The following CPQ variants were observed in gnomAD, a reference collection of about 807,000 sequenced individuals.
The protein encoded by CPQ is carboxypeptidase Q, also known as Ser-Met dipeptidase.
CPQ carries 37 observed loss-of-function variants against 45.7 expected under a neutral mutation model. The observed-to-expected ratio is 0.81, with a 90% CI of 0.62 to 1.07. The LOEUF is 1.07. CPQ is among the 50% of genes least tolerant of loss of function. The probability of loss-of-function intolerance (pLI) is 0.00; values close to 1 mark genes in which losing one functional copy is unlikely to be tolerated. For missense variants in CPQ, 537 were observed against 572.9 expected (o/e 0.94, Z 0.64); for synonymous variants, 186 against 205.8 (o/e 0.90, Z 0.82).
chr8:97,030,544 G>C (rs1435708742), intron 6 of CPQ, among the ~76,000 whole-genome samples: 1 of 152,004 alleles, frequency 6.6e-6, no homozygotes, highest in African/African-American at 2.4e-5. Context: ...GGTGATCCTG[G>C]GGATAACATA....
intron 4 of CPQ, among the ~76,000 whole-genome samples, chr8:96,958,292 T>G (rs543617952): frequency 6.6e-5 from 10 of 152,290 alleles, no homozygotes; most frequent in Non-Finnish European, 1.3e-4. Context: ...AACATAGAAG[T>G]TACCTAAACT....
At chr8:96,926,576 C>CTTCTTCTTCTTCTTCTTCTTCTTCT (rs1812882233) in intron 4 of CPQ, among the ~76,000 whole-genome samples, 26 of 75,034 alleles carry the variant, frequency 3.5e-4, no homozygotes, top group Middle Eastern at 6.0e-3. Context: ...CTTCCTCTTC[C>CTTCTTCTTCTTCTTCTTCTTCTTCT]TCTTCTTCTT....
At chr8:96,842,497 A>G (rs1374596468) in intron 3 of CPQ, among the ~76,000 whole-genome samples, 2 of 119,732 alleles carry the variant, frequency 1.7e-5, no homozygotes, top group East Asian at 3.2e-4. Context: ...CAGAATGCCA[A>G]TTCTCATCAT....
At position 96,961,170 on chromosome 8, in the gene CPQ, G is replaced by A. The variant is rs975366827; in HGVS notation, c.850-4765G>A. On this transcript the variant is annotated intron_variant, in intron 4 of 7. Transcript: ENST00000220763. ...CAATTTTCTGCTTCTACCAGGAGTG[G>A]ATAAGAATTCCTATTGCTCAGCCTC... 3.9e-5 allele frequency among the ~76,000 whole-genome samples: 6 copies of A among 152,288 alleles called. No individual in the cohort carries two copies. The South Asian group carries it at 1.2e-3, about 32-fold the overall frequency.
intron 1 of CPQ, among the ~76,000 whole-genome samples, chr8:96,647,829 C>T (rs1815534597): frequency 6.6e-6 from 1 of 152,194 alleles, no homozygotes. Flanking sequence ...TAAATGTGTT[C>T]AGACTTACCA....
intron 5 of CPQ, 100 bp downstream of exon 5, chr8:96,966,146 C>A: frequency 1.3e-6 from 1 of 792,160 alleles, no homozygotes. Context: ...ATGGTATGTT[C>A]AAAGATCCTC....
intron 4 of CPQ, among the ~76,000 whole-genome samples, chr8:96,899,012 G>A (rs1030419899): frequency 2.0e-5 from 3 of 152,074 alleles, no homozygotes; most frequent in African/African-American, 7.2e-5. Flanking sequence ...GAGCATATTG[G>A]ATTTTGTAAT....
chr8:97,011,946 C>T (rs1809492798), intron 5 of CPQ, among the ~76,000 whole-genome samples: 1 of 152,084 alleles, frequency 6.6e-6, no homozygotes, highest in African/African-American at 2.4e-5. Context: ...AGTGTGCGCG[C>T]TCTCTCTCTC....
At chr8:96,791,102 AG>A (rs1362105133) in intron 2 of CPQ, among the ~76,000 whole-genome samples, 2 of 152,174 alleles carry the variant, frequency 1.3e-5, no homozygotes, top group Non-Finnish European at 2.9e-5. Context: ...GAAAAGGATT[AG>A]CACTTTTTTT....
chr8:96,986,199 G>T (rs1384308261), intron 5 of CPQ, among the ~76,000 whole-genome samples: 1 of 152,118 alleles, frequency 6.6e-6, no homozygotes, highest in East Asian at 1.9e-4. Flanking sequence ...AATGAGTGTT[G>T]GTTAGCTTTT....
intron 6 of CPQ, among the ~76,000 whole-genome samples, chr8:97,057,810 TA>T (rs562137827): frequency 6.6e-6 from 1 of 151,932 alleles, no homozygotes; most frequent in East Asian, 1.9e-4. Flanking sequence ...GGCAGGCATT[TA>T]AAAAAAATTG....
intron 2 of CPQ, among the ~76,000 whole-genome samples, chr8:96,800,760 C>A (rs2130821971): frequency 6.6e-6 from 1 of 152,060 alleles, no homozygotes; most frequent in Non-Finnish European, 1.5e-5. Context: ...TACATGCACA[C>A]AGAATAATAT....
At chr8:97,121,796 G>T (rs529050955) in intron 7 of CPQ, among the ~76,000 whole-genome samples, 9 of 151,966 alleles carry the variant, frequency 5.9e-5, no homozygotes, top group Non-Finnish European at 1.2e-4. Context: ...AATGAAAAGA[G>T]AAATGGAAAC....
intron 4 of CPQ, among the ~76,000 whole-genome samples, chr8:96,929,053 A>T (rs982324819): frequency 6.6e-6 from 1 of 152,174 alleles, no homozygotes; most frequent in Non-Finnish European, 1.5e-5. Context: ...TTTGCACATG[A>T]CTTTCTAATG....
chr8:96,878,401 A>C (rs985421244), intron 3 of CPQ, among the ~76,000 whole-genome samples: 3 of 152,234 alleles, frequency 2.0e-5, no homozygotes, highest in African/African-American at 7.2e-5. Context: ...TGAGTGATTA[A>C]TGTGTTTGAG....
At chr8:96,714,038 T>C (rs564668684) in intron 1 of CPQ, among the ~76,000 whole-genome samples, 1 of 152,336 alleles carries the variant, frequency 6.6e-6, no homozygotes, top group East Asian at 1.9e-4. Context: ...TTTATAAGTT[T>C]TCTGATACTG....
intron 3 of CPQ, among the ~76,000 whole-genome samples, chr8:96,865,111 A>G (rs931633404): frequency 2.0e-5 from 3 of 152,064 alleles, no homozygotes; most frequent in Admixed American, 2.0e-4. Context: ...TAAAATAATA[A>G]AGATTGGAAC....
At chr8:96,914,568 A>G (rs73279841) in intron 4 of CPQ, among the ~76,000 whole-genome samples, 4,686 of 152,278 alleles carry the variant, frequency 0.031, 255 homozygotes, top group African/African-American at 0.11. Context: ...TTTTCCCTGC[A>G]GCTTTGGCAT....
At chr8:97,042,128 G>T (rs1295049178) in intron 6 of CPQ, among the ~76,000 whole-genome samples, 1 of 152,224 alleles carries the variant, frequency 6.6e-6, no homozygotes, top group Non-Finnish European at 1.5e-5. Flanking sequence ...ACTCTTTTTG[G>T]TTGGTAAGCT....
Sources: allele counts gnomAD v4.1 joint callset (sites outside exome capture counted in the v4.1 genomes callset), GRCh38; gene constraint gnomAD v4.1.1; transcripts MANE v1.5; gene names NCBI Gene and HGNC (gene_info 2026-07-23, HGNC 2026-07-21).